Variants in C5AR2 observed in about 807,000 individuals in gnomAD.
C5AR2 encodes C5a anaphylatoxin chemotactic receptor 2.
For missense variants in C5AR2, 458 were observed against 467.5 expected (o/e 0.98, Z 0.19); for synonymous variants, 224 against 216.5 (o/e 1.03, Z -0.30).
chr19:47,342,076 C>G lies in C5AR2; in HGVS notation c.*263C>G. 1 of 412,668 alleles carries G rather than the reference C, an allele frequency of 2.4e-6. No individual in the cohort carries two copies. 25.6% of individuals were successfully genotyped at this position (412,668 alleles called of 1,614,324 possible). On this transcript the variant is annotated 3_prime_UTR_variant, in exon 2 of 2. Transcript: ENST00000595464. Reference sequence around the variant, plus strand: ...GACTATAAACAAAGATATATAGGGCCATTTGCGGTGGCTCACGCCTGTAAT... The same window carrying G: ...GACTATAAACAAAGATATATAGGGCGATTTGCGGTGGCTCACGCCTGTAAT...
chr19:47,335,188 C>T (rs1393680995), intron 1 of C5AR2, among the ~76,000 whole-genome samples: 1 of 151,950 alleles, frequency 6.6e-6, no homozygotes, highest in Non-Finnish European at 1.5e-5. Flanking sequence ...AGCTTCTGCA[C>T]CTGGCCCTGT....
In C5AR2 at chr19:47,341,920, T is replaced by A. The variant is rs780506943; in HGVS notation, c.*107T>A. 1.9e-6 allele frequency: 2 copies of A among 1,080,458 alleles called. No homozygotes were observed. Among genetic ancestry groups the A allele is most frequent in the Non-Finnish European group, 2.7e-6 (2 of 740,062 alleles). The allele number at this position is 1,080,458 out of a possible 1,614,324, so 66.9% of individuals were successfully genotyped here. On this transcript the variant is annotated 3_prime_UTR_variant, in exon 2 of 2. Coordinates refer to ENST00000595464, the MANE Select transcript of C5AR2 (RefSeq NM_001271749.2). This position sits in a 1 kb window ranked among gnomAD's most constrained non-coding sequence, Gnocchi z 4.6. ...ATGATGTCTTCATTTTATTCCTTCCTTCATTCAACAGATATCCATCATGCA... is the reference window on the plus strand; with the variant it reads ...ATGATGTCTTCATTTTATTCCTTCCATCATTCAACAGATATCCATCATGCA...
chr19:47,335,628 C>T (rs151291466), intron 1 of C5AR2, among the ~76,000 whole-genome samples: 3,057 of 150,790 alleles, frequency 0.02, 51 homozygotes, highest in Non-Finnish European at 0.03. Flanking sequence ...AAAAATTAGC[C>T]GGAAGTGGTA....
chr19:47,332,681 C>T lies in C5AR2; in HGVS notation c.-16+332C>T, dbSNP rs1012615530. ...TCCCAGGTTCAAGGGATTCTCTTGT[C>T]TCAGCTGGGATTACAAGCGCATGCC... On this transcript the variant is annotated intron_variant, in intron 1 of 1. Coordinates refer to ENST00000595464, the MANE Select transcript of C5AR2 (RefSeq NM_001271749.2). Among the ~76,000 whole-genome samples, 46 of 151,962 alleles carry T rather than the reference C, an allele frequency of 3.0e-4. 1 individual carries two copies. The highest frequency in any genetic ancestry group is 1.1e-3 in the African/African-American group (46 of 41,380).
rs767919264 is a variant in C5AR2 at position 47,341,122 on chromosome 19, G to A, written c.323G>A (p.Arg108Gln). The change falls in exon 2 of 2, where the codon CGG (arginine) becomes CAG (glutamine). Residue 108 changes from arginine (R) to glutamine (Q), a missense_variant. By Grantham distance (43) the Arg-to-Gln change is conservative. Coordinates refer to ENST00000595464, the MANE Select transcript of C5AR2 (RefSeq NM_001271749.2). This position sits in a 1 kb window ranked among gnomAD's most constrained non-coding sequence, Gnocchi z 4.6. ...TGGCCGTATGGTGCAGTGGGCTGTC[G>A]GGCGCTGCCCTCCATCATCCTGCTG... ...GHWPYGAVGC[R>Q]ALPSIILLTM... The A allele has an allele frequency of 2.1e-5, 33 of 1,602,818 alleles. No individual in the cohort carries two copies. The highest frequency in any genetic ancestry group is 3.3e-4 in the Middle Eastern group (2 of 6,080).
Position 47,340,795 on chromosome 19 carries a change from C to T in C5AR2, c.-5C>T, listed in dbSNP as rs1030101575. On this transcript the variant is annotated 5_prime_UTR_variant, in exon 2 of 2. Coordinates refer to ENST00000595464, the MANE Select transcript of C5AR2 (RefSeq NM_001271749.2). Reference sequence around the variant, plus strand: ...TTCTCTCCTGCCCAGACACCAGGAGCCTGAATGGGGAACGATTCTGTCAGC... The same window carrying T: ...TTCTCTCCTGCCCAGACACCAGGAGTCTGAATGGGGAACGATTCTGTCAGC... 1 of 1,613,130 alleles carries T rather than the reference C, an allele frequency of 6.2e-7. No homozygotes were observed. The highest frequency in any genetic ancestry group is 2.2e-5 in the East Asian group (1 of 44,900).
rs568689283 is a variant in C5AR2 at position 47,345,986 on chromosome 19, A to C, written c.*4173A>C. 54 of 152,286 alleles carry C rather than the reference A, an allele frequency of 3.5e-4. No homozygotes were observed. Among genetic ancestry groups the C allele is most frequent in the African/African-American group, 1.3e-3 (52 of 41,548 alleles). 9.4% of individuals were successfully genotyped at this position (152,286 alleles called of 1,614,324 possible). A position where few individuals can be genotyped will look rare whatever the true frequency, so the allele number is the denominator to read the frequency against. Reference sequence around the variant, plus strand: ...ACTGCAACCTCCACCTTCCGGATTCAAGTGATTCTCCTGCCGCAGCCTCCC... The same window carrying C: ...ACTGCAACCTCCACCTTCCGGATTCCAGTGATTCTCCTGCCGCAGCCTCCC... On this transcript the variant is annotated 3_prime_UTR_variant, in exon 2 of 2. Transcript: ENST00000595464.
intron 1 of C5AR2, among the ~76,000 whole-genome samples, chr19:47,339,203 C>T (rs2059372209): frequency 6.6e-6 from 1 of 152,110 alleles, no homozygotes; most frequent in South Asian, 2.1e-4. Flanking sequence ...CCTTGCTCAG[C>T]ACCCTCCTAT....
chr19:47,340,350 T>TC (rs1968992000), intron 1 of C5AR2, among the ~76,000 whole-genome samples: 1 of 151,000 alleles, frequency 6.6e-6, no homozygotes, highest in African/African-American at 2.4e-5. Flanking sequence ...ATTCCAATTT[T>TC]TTTTTTTTTT....
At chr19:47,335,510 C>T (rs995102623) in intron 1 of C5AR2, among the ~76,000 whole-genome samples, 4 of 151,748 alleles carry the variant, frequency 2.6e-5, no homozygotes, top group Admixed American at 1.3e-4. Flanking sequence ...TGTTGACTCA[C>T]GCCTGTAATC....
At chr19:47,335,138 G>A (rs1003865047) in intron 1 of C5AR2, among the ~76,000 whole-genome samples, 42 of 151,010 alleles carry the variant, frequency 2.8e-4, no homozygotes, top group African/African-American at 9.3e-4. Context: ...CAAGTGATCC[G>A]TCTGCCTAGG....
chr19:47,342,047 G>A lies in C5AR2; in HGVS notation c.*234G>A. 2 of 542,972 alleles carry A rather than the reference G, an allele frequency of 3.7e-6. No individual in the cohort carries two copies. The highest frequency in any genetic ancestry group is 6.8e-6 in the Non-Finnish European group (2 of 295,522). 33.6% of individuals were successfully genotyped at this position (542,972 alleles called of 1,614,324 possible). ...AGCTGATATTCTTCTAGTGGAGGAA[G>A]ACAGACTATAAACAAAGATATATAG... On this transcript the variant is annotated 3_prime_UTR_variant, in exon 2 of 2. Coordinates refer to ENST00000595464, the MANE Select transcript of C5AR2 (RefSeq NM_001271749.2).
At position 47,340,942 on chromosome 19, in the gene C5AR2, TG is replaced by T. The variant is rs1969007005; in HGVS notation, c.148del (p.Val50CysfsTer67). Reference protein sequence around the residue: ...PLPLYAAIFLVGVPGNAMVAW... With the variant: ...PLPLYAAIFLXGVPGNAMVAW... ...CCACTGTATGCCGCCATCTTCCTGGTGGGGGTGCCGGGCAATGCCATGGTGG... is the reference window on the plus strand; with the variant it reads ...CCACTGTATGCCGCCATCTTCCTGGTGGGGTGCCGGGCAATGCCATGGTGG... On this transcript the variant is annotated frameshift_variant, in exon 2 of 2. Coordinates refer to ENST00000595464, the MANE Select transcript of C5AR2 (RefSeq NM_001271749.2). LOFTEE classifies it low-confidence loss of function (END_TRUNC). 6.8e-6 allele frequency: 11 copies of T among 1,612,026 alleles called. No homozygotes were observed. Among genetic ancestry groups the T allele is most frequent in the Non-Finnish European group, 9.3e-6 (11 of 1,179,884 alleles).
chr19:47,334,923 C>T (rs1192729721), intron 1 of C5AR2, among the ~76,000 whole-genome samples: 1 of 151,070 alleles, frequency 6.6e-6, no homozygotes, highest in Admixed American at 6.6e-5. Flanking sequence ...CTCACTCTGT[C>T]ACCCATGCTG....
intron 1 of C5AR2, among the ~76,000 whole-genome samples, chr19:47,333,329 T>C (rs534975217): frequency 1.3e-5 from 2 of 152,276 alleles, no homozygotes; most frequent in African/African-American, 2.4e-5. Context: ...TCACAAAATC[T>C]GTCCACATTC....
chr19:47,336,715 C>A (rs2059359969), intron 1 of C5AR2, among the ~76,000 whole-genome samples: 1 of 151,748 alleles, frequency 6.6e-6, no homozygotes, highest in African/African-American at 2.4e-5. Flanking sequence ...CACTGTGTTG[C>A]CTAGGCTGGT....
rs776733043 is a variant in C5AR2 at position 47,334,508 on chromosome 19, CCGT to C, written c.-16+2160_-16+2162del. On this transcript the variant is annotated intron_variant, in intron 1 of 1. Transcript: ENST00000595464. ...ATTAGCTGGGCATGATGGCGTGCAC[CCGT>C]AGTCCCAGCTACTCCAGAGGCTGAG... Among the ~76,000 whole-genome samples, 12 of 151,068 alleles carry C rather than the reference CCGT, an allele frequency of 7.9e-5. No homozygotes were observed. In the East Asian group the frequency reaches 2.1e-3, roughly 27 times the overall value.
rs1969083089 is a variant in C5AR2, at chr19:47,343,996, C to T, written c.*2183C>T. ...GCCATCATAACAGAGATTTCTGTTACAAAATGCTGTTCTAGAATTTACTTT... is the reference window on the plus strand; with the variant it reads ...GCCATCATAACAGAGATTTCTGTTATAAAATGCTGTTCTAGAATTTACTTT... On this transcript the variant is annotated 3_prime_UTR_variant, in exon 2 of 2. Transcript: ENST00000595464. 6.6e-6 allele frequency: 1 copy of T among 152,096 alleles called. No individual in the cohort carries two copies. Among genetic ancestry groups the T allele is most frequent in the African/African-American group, 2.4e-5 (1 of 41,398 alleles). 9.4% of individuals were successfully genotyped at this position (152,096 alleles called of 1,614,324 possible).
rs1969084591 is a variant in C5AR2 at position 47,344,140 on chromosome 19, G to C, written c.*2327G>C. ...GAGGATCCCTTGAGCCCAGAAGCTGGAGACCTGCCTGGGCAACAGAGCAAG... is the reference window on the plus strand; with the variant it reads ...GAGGATCCCTTGAGCCCAGAAGCTGCAGACCTGCCTGGGCAACAGAGCAAG... On this transcript the variant is annotated 3_prime_UTR_variant, in exon 2 of 2. Transcript: ENST00000595464. 6.6e-6 allele frequency: 1 copy of C among 152,070 alleles called. No homozygotes were observed. The highest frequency in any genetic ancestry group is 6.6e-5 in the Admixed American group (1 of 15,238). The allele number at this position is 152,070 out of a possible 1,614,324, so 9.4% of individuals were successfully genotyped here. A position where few individuals can be genotyped will look rare whatever the true frequency, so the allele number is the denominator to read the frequency against.
Sources: gnomAD v4.1 joint callset for allele counts (sites outside exome capture counted in the v4.1 genomes callset) on GRCh38, gnomAD v4.1.1 for gene constraint, Gnocchi (gnomAD v3.1) non-coding constraint, MANE v1.5 for transcripts, NCBI Gene and HGNC (gene_info 2026-07-23, HGNC 2026-07-21) for gene names.